XYLT1: variants seen among roughly 807,000 people sequenced by gnomAD.
XYLT1 encodes the protein xylosyltransferase 1, also known as beta-D-xylosyltransferase 1.
A neutral mutation model predicts 91.3 loss-of-function variants in XYLT1; 36 were observed. That is an observed-to-expected ratio of 0.39 (90% confidence interval 0.30 to 0.52). XYLT1 has a LOEUF of 0.52. Among genes scored for constraint, XYLT1 ranks in the 20% least tolerant of loss-of-function variants. XYLT1 has a pLI of 0.68. For synonymous variants in XYLT1, 588 were observed against 532.0 expected (o/e 1.11, Z -1.45); for missense variants, 1,242 against 1,284.5 (o/e 0.97, Z 0.51).
At chr16:17,229,571 G>T (rs570706713) in intron 3 of XYLT1, among the ~76,000 whole-genome samples, 3 of 152,178 alleles carry the variant, frequency 2.0e-5, no homozygotes, top group African/African-American at 7.2e-5. Context: ...AGTAGGCCAG[G>T]TGGGGGCAGA....
At chr16:17,377,073 A>T (rs148501919) in intron 1 of XYLT1, among the ~76,000 whole-genome samples, 8,507 of 150,258 alleles carry the variant, frequency 0.057, 312 homozygotes, top group African/African-American at 0.11. Context: ...GCTCCTCAGG[A>T]GGCTGAGGCA....
rs117028763 is a variant in XYLT1, at chr16:17,309,763, C to T, written c.402+48249G>A. Among the ~76,000 whole-genome samples the T allele has an allele frequency of 5.1e-4, 78 of 152,276 alleles. 1 individual carries two copies. In the East Asian group the frequency reaches 0.01, roughly 20 times the overall value. On this transcript the variant is annotated intron_variant, in intron 2 of 11. Coordinates refer to ENST00000261381, the MANE Select transcript of XYLT1 (RefSeq NM_022166.4). ...CAAATGGTTTAATGCCTTTATTTTG[C>T]GAATGAGCCATTGCAGTCAAGAAGA...
chr16:17,445,081 C>T (rs2036576141), intron 1 of XYLT1, among the ~76,000 whole-genome samples: 3 of 152,218 alleles, frequency 2.0e-5, no homozygotes, highest in Non-Finnish European at 4.4e-5. Flanking sequence ...CTCACTACAA[C>T]CTTTGCCTCC....
chr16:17,209,085 C>T (rs1164729557), intron 3 of XYLT1, among the ~76,000 whole-genome samples: 1 of 152,154 alleles, frequency 6.6e-6, no homozygotes, highest in African/African-American at 2.4e-5. Context: ...TGTTGTGCAA[C>T]TATTATCACC....
chr16:17,406,002 T>G (rs767871248), intron 1 of XYLT1, among the ~76,000 whole-genome samples: 7 of 151,750 alleles, frequency 4.6e-5, no homozygotes, highest in Non-Finnish European at 7.4e-5. Context: ...CTGGCCAACA[T>G]GGAGAAACCC....
chr16:17,302,375 T>A (rs1447163504), intron 2 of XYLT1, among the ~76,000 whole-genome samples: 1 of 152,156 alleles, frequency 6.6e-6, no homozygotes, highest in East Asian at 1.9e-4. Flanking sequence ...GAATACCTCA[T>A]CCTGTCTGCT....
chr16:17,335,619 G>A (rs955812708), intron 2 of XYLT1, among the ~76,000 whole-genome samples: 1 of 151,268 alleles, frequency 6.6e-6, no homozygotes, highest in Admixed American at 6.6e-5. Context: ...GCTTTAACCC[G>A]GAAGGCAGAA....
intron 1 of XYLT1, among the ~76,000 whole-genome samples, chr16:17,448,168 G>A (rs1465678459): frequency 6.6e-6 from 1 of 152,194 alleles, no homozygotes; most frequent in East Asian, 1.9e-4. Context: ...AGGAGTTCAA[G>A]ACCAGCCTGG....
intron 2 of XYLT1, among the ~76,000 whole-genome samples, chr16:17,325,118 C>A (rs2034779871): frequency 2.6e-5 from 4 of 152,064 alleles, no homozygotes; most frequent in Admixed American, 2.6e-4. Flanking sequence ...GGCGGGGGTG[C>A]CGGGCACGGT....
intron 2 of XYLT1, among the ~76,000 whole-genome samples, chr16:17,322,058 C>T (rs1596481256): frequency 6.6e-6 from 1 of 152,158 alleles, no homozygotes; most frequent in Non-Finnish European, 1.5e-5. Context: ...TTTCTGAGCA[C>T]CAAACAATGG....
intron 1 of XYLT1, among the ~76,000 whole-genome samples, chr16:17,362,373 C>A (rs531401432): frequency 6.6e-6 from 1 of 152,268 alleles, no homozygotes; most frequent in African/African-American, 2.4e-5. Flanking sequence ...TTAGCTAAAT[C>A]AATCCACACG....
intron 10 of XYLT1, among the ~76,000 whole-genome samples, chr16:17,126,265 C>A (rs146384842): frequency 1.1e-3 from 164 of 152,298 alleles, no homozygotes; most frequent in Non-Finnish European, 2.0e-3. Context: ...CAGAAGTACC[C>A]AGTCACCCAA....
intron 1 of XYLT1, among the ~76,000 whole-genome samples, chr16:17,462,196 C>T (rs1389525867): frequency 2.0e-5 from 3 of 152,222 alleles, no homozygotes; most frequent in Admixed American, 6.5e-5. Context: ...TCCAGATAAG[C>T]AGTAGTCACC....
At chr16:17,138,734 C>A in intron 7 of XYLT1, 1 of 552,064 alleles carries the variant, frequency 1.8e-6, no homozygotes, top group Non-Finnish European at 3.1e-6. Context: ...TATAAATTAC[C>A]AAGCCTCAGA....
At chr16:17,431,809 G>A (rs2141932626) in intron 1 of XYLT1, among the ~76,000 whole-genome samples, 1 of 152,350 alleles carries the variant, frequency 6.6e-6, no homozygotes, top group African/African-American at 2.4e-5. Flanking sequence ...TTTTATAAAA[G>A]CGAATCCTTT....
At chr16:17,396,891 G>A (rs1457373821) in intron 1 of XYLT1, among the ~76,000 whole-genome samples, 1 of 152,152 alleles carries the variant, frequency 6.6e-6, no homozygotes, top group Non-Finnish European at 1.5e-5. Context: ...TCTAACTAGA[G>A]TATCAGGAAA....
At chr16:17,390,597 C>T (rs1337970234) in intron 1 of XYLT1, among the ~76,000 whole-genome samples, 2 of 152,234 alleles carry the variant, frequency 1.3e-5, no homozygotes, top group Non-Finnish European at 2.9e-5. Flanking sequence ...CTTGCCTTTA[C>T]CTCCAAACCG....
At chr16:17,470,316 A>T in intron 1 of XYLT1, 118 bp downstream of exon 1, 1 of 1,147,414 alleles carries the variant, frequency 8.7e-7, no homozygotes, top group Non-Finnish European at 1.1e-6. Flanking sequence ...GGCGATGTGG[A>T]GTCGGTAGGC....
rs150668806 is a variant in XYLT1, at chr16:17,404,504, T to C, written c.364-46454A>G. Among the ~76,000 whole-genome samples, 19 of 152,306 alleles carry C rather than the reference T, an allele frequency of 1.2e-4. No homozygotes were observed. In the East Asian group the frequency reaches 3.3e-3, roughly 26 times the overall value. ...GTGAGAACCATGATCATCCCCATTA[T>C]ACAGGTGAGAAAACCAAGGCTGATG... On this transcript the variant is annotated intron_variant, in intron 1 of 11. Transcript: ENST00000261381.
Sources: gnomAD v4.1 joint callset for allele counts (sites outside exome capture counted in the v4.1 genomes callset) on GRCh38, gnomAD v4.1.1 for gene constraint, MANE v1.5 for transcripts, NCBI Gene and HGNC (gene_info 2026-07-23, HGNC 2026-07-21) for gene names.